Variants in ATXN10 observed in about 807,000 individuals in gnomAD.
ATXN10 encodes the protein ataxin 10, also known as ataxin-10.
In ATXN10, 28 loss-of-function variants were observed where a neutral mutation model predicts 52.9. That is an observed-to-expected ratio of 0.53 (90% CI 0.39 to 0.73). The LOEUF (loss-of-function observed/expected upper bound fraction) is 0.73. Ranked by LOEUF, ATXN10 falls within the 30% of genes least tolerant of loss-of-function variation. The pLI is 0.00. For missense variants in ATXN10, 565 were observed against 577.0 expected, an observed-to-expected ratio of 0.98 and a Z score of 0.21; for synonymous variants, 226 against 221.5, an observed-to-expected ratio of 1.02 and a Z score of -0.18.
At position 45,843,169 on chromosome 22, in the gene ATXN10, C is replaced by T; in HGVS notation, c.1416C>T (p.Thr472=). 6.2e-7 allele frequency: 1 copy of T among 1,613,832 alleles called. No homozygotes were observed. Among genetic ancestry groups the T allele is most frequent in the Non-Finnish European group, 8.5e-7 (1 of 1,179,838 alleles). The change falls in exon 11 of 12, where the codon ACC becomes ACT. Residue 472 remains threonine, a synonymous_variant. Coordinates refer to ENST00000252934, the MANE Select transcript of ATXN10 (RefSeq NM_013236.4). This position sits in a 1 kb window ranked among gnomAD's most constrained non-coding sequence, Gnocchi z 4.5. ...EKLILKSTRD[T]PKP The stretch of plus-strand genomic sequence containing the variant: ...TGATCCTGAAATCTACTAGAGACAC[C>T]CCTAAGCCAGTAAGTACCCTCGAGG...
intron 9 of ATXN10, among the ~76,000 whole-genome samples, chr22:45,767,062 G>T (rs1926607778): frequency 3.9e-5 from 6 of 152,190 alleles, no homozygotes; most frequent in Admixed American, 3.9e-4. Context: ...TAGGAATTTG[G>T]TAGTTCTGGT....
chr22:45,700,268 T>C lies in ATXN10; in HGVS notation c.392-14T>C, dbSNP rs1392684104. Reference sequence around the variant, plus strand: ...TCATTTATTTATTTATTTATAACTTTTATATATTCTTAGCTTTTCGCTGTG... The same window carrying C: ...TCATTTATTTATTTATTTATAACTTCTATATATTCTTAGCTTTTCGCTGTG... On this transcript the variant is annotated splice_polypyrimidine_tract_variant and intron_variant, in intron 3 of 11. Coordinates refer to ENST00000252934, the MANE Select transcript of ATXN10 (RefSeq NM_013236.4). 1.3e-6 allele frequency: 2 copies of C among 1,548,852 alleles called. No individual in the cohort carries two copies. Among genetic ancestry groups the C allele is most frequent in the Middle Eastern group, 1.9e-4 (1 of 5,294 alleles).
chr22:45,729,627 G>T (rs1450079116), intron 7 of ATXN10, 37 bp downstream of exon 7: 1 of 1,609,194 alleles, frequency 6.2e-7, no homozygotes, highest in African/African-American at 1.3e-5. Flanking sequence ...GGGTAAAAGA[G>T]AATGGACAGA....
intron 10 of ATXN10, 47 bp downstream of exon 10, chr22:45,807,069 C>G (rs973373974): frequency 1.3e-6 from 2 of 1,511,954 alleles, no homozygotes; most frequent in Admixed American, 1.7e-5. Flanking sequence ...AGCCGGGGCC[C>G]TTAGCAAAAC....
chr22:45,697,519 G>A (rs1923659779), intron 3 of ATXN10, among the ~76,000 whole-genome samples: 1 of 152,072 alleles, frequency 6.6e-6, no homozygotes, highest in Non-Finnish European at 1.5e-5. Flanking sequence ...CCACTACTTA[G>A]CATTCTGTCT....
chr22:45,718,296 C>A lies in ATXN10; in HGVS notation c.648-117C>A. ...TAAGACATTTAAGATTACAGCAAAT[C>A]AAAAATTCACTGAAAAGAAATGCTT... On this transcript the variant is annotated intron_variant, in intron 5 of 11. Coordinates refer to ENST00000252934, the MANE Select transcript of ATXN10 (RefSeq NM_013236.4). The surrounding 1 kb of genome is among the most constrained non-coding windows in gnomAD (Gnocchi z 4.4). The A allele has an allele frequency of 2.4e-6, 2 of 845,162 alleles. No homozygotes were observed. Among genetic ancestry groups the A allele is most frequent in the Admixed American group, 1.8e-5 (1 of 56,904 alleles). The allele number at this position is 845,162 out of a possible 1,614,324, so 52.4% of individuals were successfully genotyped here.
rs145838015 is a variant in ATXN10, at chr22:45,778,741, A to G, written c.1174-28218A>G. On this transcript the variant is annotated intron_variant, in intron 9 of 11. Transcript: ENST00000252934. Reference sequence around the variant, plus strand: ...AGCTAAGAGCAGTCTGAGATTGACAAGATTGTTCTTGGTACACAGGATGGC... The same window carrying G: ...AGCTAAGAGCAGTCTGAGATTGACAGGATTGTTCTTGGTACACAGGATGGC... Among the ~76,000 whole-genome samples the G allele has an allele frequency of 6.5e-3, 989 of 152,328 alleles. 5 individuals are homozygous for G. The highest frequency in any genetic ancestry group is 0.02 in the Middle Eastern group (6 of 294).
intron 10 of ATXN10, among the ~76,000 whole-genome samples, chr22:45,814,350 T>C (rs1297027674): frequency 6.6e-6 from 1 of 152,200 alleles, no homozygotes; most frequent in African/African-American, 2.4e-5. Context: ...TCCAAATGGT[T>C]AGTAAGCATA....
At chr22:45,746,684 G>C (rs1276617110) in intron 9 of ATXN10, among the ~76,000 whole-genome samples, 1 of 152,058 alleles carries the variant, frequency 6.6e-6, no homozygotes, top group African/African-American at 2.4e-5. Flanking sequence ...TTCCCTGAGT[G>C]ACCTTAACTT....
In ATXN10 at chr22:45,737,720, G is replaced by T. The variant is rs1248923442; in HGVS notation, c.895-1011G>T. 1.9e-4 allele frequency among the ~76,000 whole-genome samples: 26 copies of T among 137,628 alleles called. No individual in the cohort carries two copies. In the South Asian group the frequency reaches 2.3e-3, roughly 12 times the overall value. The allele number at this position is 137,628 out of a possible 152,430, so 90.3% of individuals were successfully genotyped here. ...TTTTTTTTTTTTTTTTTTGTTTGAG[G>T]CAGAGTCTTGCTCTGTTGCCCAGGC... On this transcript the variant is annotated intron_variant, in intron 7 of 11. Coordinates refer to ENST00000252934, the MANE Select transcript of ATXN10 (RefSeq NM_013236.4).
chr22:45,713,170 G>A (rs1417216205), intron 5 of ATXN10, among the ~76,000 whole-genome samples: 8 of 152,056 alleles, frequency 5.3e-5, no homozygotes, highest in African/African-American at 2.4e-5. Context: ...CTGTTGGCAT[G>A]TGCTCCTCGA....
At chr22:45,741,438 A>G (rs1452190843) in intron 9 of ATXN10, among the ~76,000 whole-genome samples, 1 of 152,208 alleles carries the variant, frequency 6.6e-6, no homozygotes, top group African/African-American at 2.4e-5. Context: ...ATAGATTCCC[A>G]GAGATCACCT....
rs1928557919 is a variant in ATXN10, at chr22:45,818,975, A to G, written c.1237+11953A>G. Among the ~76,000 whole-genome samples, 1 of 152,122 alleles carries G rather than the reference A, an allele frequency of 6.6e-6. No homozygotes were observed. Among genetic ancestry groups the G allele is most frequent in the Non-Finnish European group, 1.5e-5 (1 of 68,024 alleles). ...ATGCCTAAAACTTGCGTAGTCTGAC[A>G]CGTAGGGAAAACATGAGAAATCCAT... is the stretch of plus-strand genomic sequence containing the variant. On this transcript the variant is annotated intron_variant, in intron 10 of 11. Coordinates refer to ENST00000252934, the MANE Select transcript of ATXN10 (RefSeq NM_013236.4). The surrounding 1 kb of genome is among the most constrained non-coding windows in gnomAD (Gnocchi z 4.6).
intron 7 of ATXN10, chr22:45,738,380 T>C (rs1925380533): frequency 5.3e-6 from 1 of 189,314 alleles, no homozygotes; most frequent in Admixed American, 5.5e-5. Flanking sequence ...AAAAAGAAAG[T>C]ATTTGCATAA....
intron 5 of ATXN10, among the ~76,000 whole-genome samples, chr22:45,709,553 T>A (rs1396000932): frequency 6.6e-6 from 1 of 152,198 alleles, no homozygotes; most frequent in Non-Finnish European, 1.5e-5. Flanking sequence ...CTGTGTTGGC[T>A]CCTGTTCTTG....
intron 9 of ATXN10, among the ~76,000 whole-genome samples, chr22:45,751,642 T>G (rs951750802): frequency 2.0e-5 from 3 of 151,664 alleles, no homozygotes; most frequent in Non-Finnish European, 4.4e-5. Flanking sequence ...AAAATCTGAC[T>G]GTGAAATGTC....
At chr22:45,722,583 G>C (rs1924698659) in intron 6 of ATXN10, among the ~76,000 whole-genome samples, 1 of 152,158 alleles carries the variant, frequency 6.6e-6, no homozygotes, top group Non-Finnish European at 1.5e-5. Context: ...GCATTATACA[G>C]GCGGCATCTG....
At chr22:45,687,327 A>G (rs1246196376) in intron 1 of ATXN10, among the ~76,000 whole-genome samples, 1 of 152,158 alleles carries the variant, frequency 6.6e-6, no homozygotes, top group Non-Finnish European at 1.5e-5. Context: ...TTTGATTCCA[A>G]AGCTTTTGCT....
chr22:45,694,397 A>G (rs1923506428), intron 3 of ATXN10, among the ~76,000 whole-genome samples: 1 of 152,152 alleles, frequency 6.6e-6, no homozygotes, highest in South Asian at 2.1e-4. Context: ...CATGCCTGTA[A>G]TTCTAGCACT....
Sources: gnomAD v4.1 joint callset for allele counts (sites outside exome capture counted in the v4.1 genomes callset) on GRCh38, gnomAD v4.1.1 for gene constraint, Gnocchi (gnomAD v3.1) non-coding constraint, MANE v1.5 for transcripts, NCBI Gene and HGNC (gene_info 2026-07-23, HGNC 2026-07-21) for gene names.